The following SLC9A9 variants were observed in gnomAD, a reference collection of about 807,000 sequenced individuals.
The protein encoded by SLC9A9 is sodium/hydrogen exchanger 9.
In SLC9A9, 62 loss-of-function variants were observed where a neutral mutation model predicts 77.8. The ratio of observed to expected loss-of-function variants is 0.80; its 90% CI spans 0.65 to 0.98. SLC9A9 has a LOEUF of 0.98. Ranked by LOEUF, SLC9A9 falls within the 50% of genes least tolerant of loss-of-function variation. The pLI, the probability that SLC9A9 is intolerant of heterozygous loss-of-function variation, is 0.00. For synonymous variants in SLC9A9, 320 were observed against 283.5 expected (o/e 1.13, Z -1.29); for missense variants, 775 against 774.9 (o/e 1.00, Z 0.00).
chr3:143,848,407 G>GAGAATTTCAGAGCT lies in SLC9A9; in HGVS notation c.-86_-85insAGCTCTGAAATTCT. 1 of 1,565,754 alleles carries GAGAATTTCAGAGCT rather than the reference G, an allele frequency of 6.4e-7. No individual in the cohort carries two copies. Among genetic ancestry groups the GAGAATTTCAGAGCT allele is most frequent in the Non-Finnish European group, 8.8e-7 (1 of 1,138,408 alleles). On this transcript the variant is annotated 5_prime_UTR_variant, in exon 1 of 16. Coordinates refer to ENST00000316549, the MANE Select transcript of SLC9A9 (RefSeq NM_173653.4). The stretch of plus-strand genomic sequence containing the variant: ...TTTGCCTAAGACAGTCTGACTGCCT[G>GAGAATTTCAGAGCT]AGAATTTCAGAAGAAACACTGCCAC...
chr3:143,493,648 C>T lies in SLC9A9; in HGVS notation c.1315+5G>A. 1 of 1,609,816 alleles carries T rather than the reference C, an allele frequency of 6.2e-7. No homozygotes were observed. The highest frequency in any genetic ancestry group is 2.2e-5 in the East Asian group (1 of 44,844). On this transcript the variant is annotated splice_donor_5th_base_variant and intron_variant, in intron 11 of 15. Transcript: ENST00000316549. Reference sequence around the variant, plus strand: ...CAGCACTAACATATAACATAGTTCACATACCTGAAAACATCATCATGTGCT... The same window carrying T: ...CAGCACTAACATATAACATAGTTCATATACCTGAAAACATCATCATGTGCT...
chr3:143,781,954 G>C (rs1344850495), intron 4 of SLC9A9, among the ~76,000 whole-genome samples: 1 of 152,192 alleles, frequency 6.6e-6, no homozygotes, highest in Non-Finnish European at 1.5e-5. Flanking sequence ...AATGACATTA[G>C]AGTGTAATTG....
intron 5 of SLC9A9, among the ~76,000 whole-genome samples, chr3:143,661,716 G>T (rs1350443246): frequency 6.6e-6 from 1 of 152,050 alleles, no homozygotes; most frequent in Non-Finnish European, 1.5e-5. Context: ...GTAGAGACAG[G>T]GTTTCCTTAT....
At position 143,829,928 on chromosome 3, in the gene SLC9A9, A is replaced by G. The variant is rs535639878; in HGVS notation, c.378+2091T>C. ...TTAAGCTCCTCACTTCACAAATAAG[A>G]AAGTTAGGGATTAGGAAGCTTAAGA... On this transcript the variant is annotated intron_variant, in intron 2 of 15. Transcript: ENST00000316549. 3.7e-4 allele frequency among the ~76,000 whole-genome samples: 57 copies of G among 152,324 alleles called. 1 individual carries two copies. Among genetic ancestry groups the G allele is most frequent in the African/African-American group, 1.4e-3 (57 of 41,574 alleles).
At chr3:143,312,905 A>G (rs74448435) in intron 14 of SLC9A9, among the ~76,000 whole-genome samples, 29,464 of 152,164 alleles carry the variant, frequency 0.19, 2,965 homozygotes, top group Admixed American at 0.26. Context: ...CCCCAAGAAC[A>G]TACTCTTCTT....
intron 12 of SLC9A9, among the ~76,000 whole-genome samples, chr3:143,406,909 G>C (rs1028833823): frequency 2.0e-5 from 3 of 149,118 alleles, no homozygotes; most frequent in African/African-American, 7.4e-5. Context: ...CTGGGAGGCA[G>C]AGGTTGCAGC....
chr3:143,514,279 A>G (rs889064779), intron 9 of SLC9A9, among the ~76,000 whole-genome samples: 2 of 151,952 alleles, frequency 1.3e-5, no homozygotes, highest in African/African-American at 4.8e-5. Context: ...CTGTAAACAG[A>G]TGTGCTGTCA....
At chr3:143,479,392 T>C (rs2108579264) in intron 11 of SLC9A9, among the ~76,000 whole-genome samples, 1 of 152,078 alleles carries the variant, frequency 6.6e-6, no homozygotes, top group East Asian at 1.9e-4. Flanking sequence ...GGAGCCCAGG[T>C]GAGCACCACC....
chr3:143,698,758 T>A (rs1933712365), intron 4 of SLC9A9, among the ~76,000 whole-genome samples: 1 of 152,158 alleles, frequency 6.6e-6, no homozygotes, highest in South Asian at 2.1e-4. Flanking sequence ...GAAAAGGCAG[T>A]TTTTTGAATT....
chr3:143,502,456 T>A (rs1457132309), intron 9 of SLC9A9, among the ~76,000 whole-genome samples: 2 of 149,328 alleles, frequency 1.3e-5, no homozygotes, highest in East Asian at 3.9e-4. Flanking sequence ...ATTGAGTTAC[T>A]GTATTTACTA....
At chr3:143,451,073 G>A (rs964474465) in intron 12 of SLC9A9, among the ~76,000 whole-genome samples, 1 of 151,930 alleles carries the variant, frequency 6.6e-6, no homozygotes, top group African/African-American at 2.4e-5. Context: ...AACCATTGGA[G>A]ATGCTTTTGA....
chr3:143,779,354 C>A (rs1278100356), intron 4 of SLC9A9, among the ~76,000 whole-genome samples: 1 of 151,860 alleles, frequency 6.6e-6, no homozygotes, highest in Non-Finnish European at 1.5e-5. Context: ...CTTCTTTAAT[C>A]CTCAGTTTTT....
intron 3 of SLC9A9, among the ~76,000 whole-genome samples, chr3:143,795,590 T>C (rs2008363113): frequency 6.6e-6 from 1 of 152,190 alleles, no homozygotes; most frequent in Admixed American, 6.5e-5. Context: ...TACAACAGCC[T>C]GGTGGGTGGC....
intron 6 of SLC9A9, among the ~76,000 whole-genome samples, chr3:143,607,938 T>C (rs2037955044): frequency 6.6e-6 from 1 of 152,106 alleles, no homozygotes; most frequent in African/African-American, 2.4e-5. Flanking sequence ...TACAAAGAGG[T>C]ATATTCATAT....
intron 4 of SLC9A9, among the ~76,000 whole-genome samples, chr3:143,728,670 C>T (rs951338114): frequency 7.2e-5 from 11 of 151,936 alleles, no homozygotes; most frequent in African/African-American, 2.4e-4. Flanking sequence ...AGACCATTGC[C>T]GTATTCCAAG....
At chr3:143,675,343 C>T (rs547193268) in intron 5 of SLC9A9, among the ~76,000 whole-genome samples, 2 of 152,210 alleles carry the variant, frequency 1.3e-5, no homozygotes, top group African/African-American at 4.8e-5. Flanking sequence ...ATTAGCTAAA[C>T]AGAGACTTTG....
chr3:143,456,897 G>A (rs2035103683), intron 12 of SLC9A9, among the ~76,000 whole-genome samples: 1 of 152,136 alleles, frequency 6.6e-6, no homozygotes, highest in Non-Finnish European at 1.5e-5. Flanking sequence ...GGATGATTCA[G>A]TTTATATATT....
intron 13 of SLC9A9, among the ~76,000 whole-genome samples, chr3:143,366,921 A>AC (rs1465014213): frequency 6.6e-6 from 1 of 152,164 alleles, no homozygotes; most frequent in East Asian, 1.9e-4. Context: ...AGGTATACAT[A>AC]CCCCAAAACA....
rs1281491768 is a variant in SLC9A9 at position 143,517,124 on chromosome 3, G to A, written c.1090-21676C>T. 5.2e-6 allele frequency: 8 copies of A among 1,547,218 alleles called. No homozygotes were observed. In the East Asian group the frequency reaches 6.7e-5, roughly 13 times the overall value. On this transcript the variant is annotated intron_variant, in intron 9 of 15. Coordinates refer to ENST00000316549, the MANE Select transcript of SLC9A9 (RefSeq NM_173653.4). The stretch of plus-strand genomic sequence containing the variant: ...GCTTTATTTATCAGAAGGGCATTAC[G>A]CTTGACCTCCAAATTTGGCTGACAA...
Sources: allele counts gnomAD v4.1 joint callset (sites outside exome capture counted in the v4.1 genomes callset), GRCh38; gene constraint gnomAD v4.1.1; transcripts MANE v1.5; gene names NCBI Gene and HGNC (gene_info 2026-07-23, HGNC 2026-07-21).